Variants in POU6F2 observed in about 807,000 individuals in gnomAD.
POU6F2 encodes POU class 6 homeobox 2.
In POU6F2, 31 loss-of-function variants were observed where a neutral mutation model predicts 71.3. The ratio of observed to expected loss-of-function variants is 0.43; its 90% confidence interval spans 0.33 to 0.59. The LOEUF is 0.59. Among genes scored for constraint, POU6F2 ranks in the 20% least tolerant of loss-of-function variants. The pLI, the probability that POU6F2 is intolerant of heterozygous loss-of-function variation, is 0.04. For missense variants in POU6F2, 783 were observed against 856.8 expected (o/e 0.91, Z 1.07); for synonymous variants, 347 against 355.7 (o/e 0.98, Z 0.27).
chr7:39,036,044 G>C (rs1440137110), intron 1 of POU6F2, among the ~76,000 whole-genome samples: 3 of 152,084 alleles, frequency 2.0e-5, no homozygotes, highest in Non-Finnish European at 4.4e-5. Flanking sequence ...AATATGAGGC[G>C]TGCGGGAGAG....
chr7:39,127,606 C>T (rs1277683976), intron 2 of POU6F2, among the ~76,000 whole-genome samples: 6 of 151,922 alleles, frequency 3.9e-5, no homozygotes, highest in African/African-American at 1.2e-4. Flanking sequence ...AGAACTGGAG[C>T]GTGATGGGGG....
At chr7:39,034,389 G>A (rs151004057) in intron 1 of POU6F2, 5 of 311,852 alleles carry the variant, frequency 1.6e-5, no homozygotes, top group Non-Finnish European at 2.8e-5. Context: ...AGGAGAGAGG[G>A]GGGAGGCAGA....
At chr7:39,017,091 A>T (rs1789572328) in intron 1 of POU6F2, among the ~76,000 whole-genome samples, 1 of 152,134 alleles carries the variant, frequency 6.6e-6, no homozygotes, top group Non-Finnish European at 1.5e-5. Context: ...TTTCTCCCTT[A>T]TGTAACTATG....
At chr7:39,119,513 C>T (rs1207554469) in intron 2 of POU6F2, among the ~76,000 whole-genome samples, 2 of 151,772 alleles carry the variant, frequency 1.3e-5, no homozygotes, top group Non-Finnish European at 1.5e-5. Context: ...GGAGGGGAAA[C>T]GGGGTGGAGA....
rs184440274 is a variant in POU6F2, at chr7:39,148,192, G to A, written c.278-56043G>A. Among the ~76,000 whole-genome samples, 298 of 152,328 alleles carry A rather than the reference G, an allele frequency of 2.0e-3. 1 individual carries two copies. The highest frequency in any genetic ancestry group is 6.8e-3 in the African/African-American group (283 of 41,562). ...TAGGATATGGTTGACCTTTTTGCCA[G>A]TGGGCACTTTTCTGTAGACTGGTGG... is the stretch of plus-strand genomic sequence containing the variant. On this transcript the variant is annotated intron_variant, in intron 2 of 9. Coordinates refer to ENST00000518318, the MANE Select transcript of POU6F2 (RefSeq NM_001370959.1).
chr7:39,216,327 T>G (rs1375543061), intron 4 of POU6F2, among the ~76,000 whole-genome samples: 1 of 152,202 alleles, frequency 6.6e-6, no homozygotes, highest in Admixed American at 6.5e-5. Context: ...ATGTGGTTTT[T>G]CAGAACACAC....
chr7:39,038,226 AT>A (rs1449854827), intron 1 of POU6F2, among the ~76,000 whole-genome samples: 1 of 151,510 alleles, frequency 6.6e-6, no homozygotes, highest in Non-Finnish European at 1.5e-5. Context: ...ACAAGATCAC[AT>A]TTTTTTTGAC....
chr7:39,261,918 G>T (rs1368899469), intron 4 of POU6F2, among the ~76,000 whole-genome samples: 2 of 152,196 alleles, frequency 1.3e-5, no homozygotes, highest in Admixed American at 1.3e-4. Flanking sequence ...AACACATTCA[G>T]TGTTTTCTCT....
At chr7:39,104,093 C>T (rs1584544065) in intron 2 of POU6F2, among the ~76,000 whole-genome samples, 1 of 152,202 alleles carries the variant, frequency 6.6e-6, no homozygotes, top group South Asian at 2.1e-4. Context: ...GCCGCTCATT[C>T]CCCCTGCTTA....
chr7:39,055,085 G>C (rs1484125274), intron 1 of POU6F2, among the ~76,000 whole-genome samples: 1 of 152,094 alleles, frequency 6.6e-6, no homozygotes, highest in Non-Finnish European at 1.5e-5. Context: ...GCTATCTGAA[G>C]GTGAGTTGGA....
chr7:39,439,585 G>A (rs1253068189), intron 7 of POU6F2, among the ~76,000 whole-genome samples: 1 of 152,180 alleles, frequency 6.6e-6, no homozygotes, highest in Non-Finnish European at 1.5e-5. Flanking sequence ...TTCCTCCTGG[G>A]TTCAACTGAT....
At chr7:39,059,401 G>T (rs902995433) in intron 1 of POU6F2, among the ~76,000 whole-genome samples, 1 of 151,726 alleles carries the variant, frequency 6.6e-6, no homozygotes, top group African/African-American at 2.4e-5. Context: ...GATATTTAAA[G>T]TGAGTGACCG....
intron 4 of POU6F2, among the ~76,000 whole-genome samples, chr7:39,338,356 G>T (rs1217536035): frequency 6.6e-6 from 1 of 152,258 alleles, no homozygotes; most frequent in African/African-American, 2.4e-5. Context: ...TGATGCCGGG[G>T]TACTTTCCAG....
intron 4 of POU6F2, among the ~76,000 whole-genome samples, chr7:39,297,194 C>CAT (rs67751881): frequency 7.8e-6 from 1 of 127,644 alleles, no homozygotes; most frequent in Admixed American, 7.8e-5. Flanking sequence ...CACACATACA[C>CAT]ATACACACAC....
chr7:39,188,322 AT>A (rs200608031), intron 2 of POU6F2, among the ~76,000 whole-genome samples: 3 of 152,030 alleles, frequency 2.0e-5, no homozygotes, highest in South Asian at 2.1e-4. Flanking sequence ...TTTTTTTAAA[AT>A]TTTTTTTGAG....
rs183322807 is a variant in POU6F2 at position 39,049,618 on chromosome 7, A to C, written c.106-36242A>C. On this transcript the variant is annotated intron_variant, in intron 1 of 9. Coordinates refer to ENST00000518318, the MANE Select transcript of POU6F2 (RefSeq NM_001370959.1). The stretch of plus-strand genomic sequence containing the variant: ...TGATAGCTTGTGGTTATGCATCTTA[A>C]GTAATTACAATTTACTTTATCATAA... Among the ~76,000 whole-genome samples the C allele has an allele frequency of 2.5e-3, 386 of 152,174 alleles. 2 individuals are homozygous for C. The highest frequency in any genetic ancestry group is 8.7e-3 in the African/African-American group (361 of 41,562).
intron 7 of POU6F2, among the ~76,000 whole-genome samples, chr7:39,443,506 G>A (rs1340970934): frequency 6.6e-6 from 1 of 152,192 alleles, no homozygotes; most frequent in Non-Finnish European, 1.5e-5. Context: ...GAAAACTGAT[G>A]GTGAACCTGG....
intron 1 of POU6F2, among the ~76,000 whole-genome samples, chr7:39,028,527 T>G (rs543843295): frequency 6.1e-4 from 93 of 152,234 alleles, no homozygotes; most frequent in Non-Finnish European, 1.1e-3. Flanking sequence ...AGTTGAAATT[T>G]TGTTTTGAAT....
chr7:39,308,364 C>T (rs900881549), intron 4 of POU6F2, among the ~76,000 whole-genome samples: 2 of 152,108 alleles, frequency 1.3e-5, no homozygotes, highest in African/African-American at 2.4e-5. Flanking sequence ...CTCAGTGAAA[C>T]GTGTGATCAG....
Sources: gnomAD v4.1 joint callset for allele counts (sites outside exome capture counted in the v4.1 genomes callset) on GRCh38, gnomAD v4.1.1 for gene constraint, MANE v1.5 for transcripts, NCBI Gene and HGNC (gene_info 2026-07-23, HGNC 2026-07-21) for gene names.